The following EP300 variants were observed in gnomAD, a reference collection of about 807,000 sequenced individuals.
The protein encoded by EP300 is histone acetyltransferase p300.
EP300 carries 31 observed loss-of-function variants against 264.0 expected under a neutral mutation model. That is an observed-to-expected ratio of 0.12 (90% CI 0.09 to 0.16). EP300 has a LOEUF of 0.16. Ranked by LOEUF, EP300 falls within the 10% of genes least tolerant of loss-of-function variation. The pLI is 1.00. For synonymous variants in EP300, 1,340 were observed against 1,045.4 expected, an observed-to-expected ratio of 1.28 and a Z score of -5.44; for missense variants, 2,766 against 3,052.9, an observed-to-expected ratio of 0.91 and a Z score of 2.21.
At chr22:41,106,036 C>T (rs992580790) in intron 1 of EP300, among the ~76,000 whole-genome samples, 1 of 152,068 alleles carries the variant, frequency 6.6e-6, no homozygotes, top group African/African-American at 2.4e-5. Context: ...AATGTTTGTA[C>T]ATCTTTATTT....
intron 14 of EP300, 113 bp downstream of exon 14, chr22:41,150,311 G>C (rs1244697845): frequency 2.7e-5 from 35 of 1,274,034 alleles, no homozygotes; most frequent in Non-Finnish European, 3.8e-5. Flanking sequence ...TTCTCCACAA[G>C]TAGAATGTAA....
chr22:41,169,923 T>C (rs2059160578), intron 26 of EP300, among the ~76,000 whole-genome samples: 1 of 152,228 alleles, frequency 6.6e-6, no homozygotes, highest in Non-Finnish European at 1.5e-5. Context: ...CATTTGATCC[T>C]TTTACAACCT....
At position 41,168,488 on chromosome 22, in the gene EP300, G is replaced by A. The variant is rs767689250; in HGVS notation, c.3914G>A (p.Arg1305His). The change falls in exon 24 of 31, where the codon CGT becomes CAT. Residue 1305 changes from arginine to histidine, a missense_variant. By Grantham distance (29) the Arg-to-His change is conservative. Coordinates refer to ENST00000263253, the MANE Select transcript of EP300 (RefSeq NM_001429.4). The part of the protein sequence containing the change: ...STRLGTFLEN[R>H]VNDFLRRQNH... ...AGACTTGGCACCTTTCTAGAGAATC[G>A]TGTGAATGACTTTCTGAGGCGACAG... 8 of 1,614,064 alleles carry A rather than the reference G, an allele frequency of 5.0e-6. No homozygotes were observed. Among genetic ancestry groups the A allele is most frequent in the East Asian group, 2.2e-5 (1 of 44,898 alleles).
intron 6 of EP300, among the ~76,000 whole-genome samples, chr22:41,134,898 T>TTTTCTTTCTTTC (rs58117147): frequency 0.081 from 12,359 of 151,720 alleles, 1,516 homozygotes; most frequent in African/African-American, 0.26. Flanking sequence ...AGCATTGCTT[T>TTTTCTTTCTTTC]TTTCTTTCTT....
At position 41,177,580 on chromosome 22, in the gene EP300, C is replaced by A. The variant is rs1301322622; in HGVS notation, c.5869C>A (p.Pro1957Thr). ...TCAAAGGCCAATCCAACACCAGATG[C>A]CCCCGATGACTCCCATGGCCCCCAT... ...IFQRPIQHQM[P>T]PMTPMAPMGM... The change falls in exon 31 of 31, where the codon CCC becomes ACC. Residue 1957 changes from proline (P) to threonine (T), a missense_variant. By Grantham distance (38) the Pro-to-Thr change is conservative. Coordinates refer to ENST00000263253, the MANE Select transcript of EP300 (RefSeq NM_001429.4). 6.2e-7 allele frequency: 1 copy of A among 1,614,158 alleles called. No homozygotes were observed. Among genetic ancestry groups the A allele is most frequent in the East Asian group, 2.2e-5 (1 of 44,872 alleles).
intron 4 of EP300, among the ~76,000 whole-genome samples, chr22:41,129,039 CTCGCTCTG>C (rs1356734800): frequency 2.6e-5 from 4 of 151,652 alleles, no homozygotes; most frequent in Admixed American, 2.6e-4. Flanking sequence ...GAGATGGAGT[CTCGCTCTG>C]TCGCCCAGGC....
chr22:41,124,371 C>G (rs186603248), intron 2 of EP300, among the ~76,000 whole-genome samples: 26 of 152,302 alleles, frequency 1.7e-4, no homozygotes, highest in African/African-American at 6.3e-4. Flanking sequence ...GTCTGGACTT[C>G]CGCATGCTCT....
chr22:41,176,621 G>T (rs1395237448), intron 30 of EP300, 93 bp downstream of exon 30: 28 of 1,607,212 alleles, frequency 1.7e-5, no homozygotes, highest in Non-Finnish European at 2.3e-5. Flanking sequence ...CCTGTGGGAT[G>T]CTAGGGGCTT....
chr22:41,159,890 G>A (rs2059098274), intron 19 of EP300: 1 of 152,160 alleles, frequency 6.6e-6, no homozygotes, highest in Non-Finnish European at 1.5e-5. Context: ...GGCCAGGCTG[G>A]TCTCGATCTC....
chr22:41,173,485 G>A (rs1262345229), intron 28 of EP300, 138 bp from the exon 29 acceptor site: 4 of 934,988 alleles, frequency 4.3e-6, no homozygotes, highest in Non-Finnish European at 6.5e-6. Flanking sequence ...GAAAGAATAA[G>A]TGAAGAGAAC....
At chr22:41,148,146 G>A (rs1450795336) in intron 12 of EP300, among the ~76,000 whole-genome samples, 200 bp downstream of exon 12, 1 of 152,208 alleles carries the variant, frequency 6.6e-6, no homozygotes, top group Non-Finnish European at 1.5e-5. Context: ...GAGTGTCAGT[G>A]TTTAGTGGCC....
chr22:41,160,381 C>A, intron 19 of EP300: 2 of 412,018 alleles, frequency 4.9e-6, no homozygotes, highest in Middle Eastern at 7.1e-4. Context: ...TTTTTTTTCT[C>A]CCTCATGCTT....
At chr22:41,157,866 A>C (rs138916630) in intron 18 of EP300, among the ~76,000 whole-genome samples, 1 of 152,220 alleles carries the variant, frequency 6.6e-6, no homozygotes, top group African/African-American at 2.4e-5. Flanking sequence ...AATATCTCTT[A>C]ATATGAAATG....
chr22:41,128,776 G>A (rs2058898365), intron 4 of EP300, among the ~76,000 whole-genome samples: 1 of 152,126 alleles, frequency 6.6e-6, no homozygotes, highest in South Asian at 2.1e-4. Context: ...CTCCCAAAGT[G>A]TTAGGATTAC....
intron 9 of EP300, among the ~76,000 whole-genome samples, chr22:41,140,749 G>C (rs980952242): frequency 1.3e-5 from 2 of 152,118 alleles, no homozygotes; most frequent in African/African-American, 4.8e-5. Context: ...AGTGATTCGG[G>C]ATTGCGCTGC....
chr22:41,155,497 G>T (rs746267425), intron 17 of EP300, among the ~76,000 whole-genome samples: 2 of 152,126 alleles, frequency 1.3e-5, no homozygotes, highest in Non-Finnish European at 2.9e-5. Context: ...GCCTCCCAGA[G>T]TGCTGGAATT....
chr22:41,164,221 C>T (rs2059123100), intron 22 of EP300, 91 bp downstream of exon 22: 5 of 1,166,302 alleles, frequency 4.3e-6, no homozygotes, highest in Non-Finnish European at 6.4e-6. Context: ...TGTATTATAT[C>T]TTCAAAGTTA....
Position 41,131,642 on chromosome 22 carries a change from G to C in EP300, c.1528+9G>C. 1 of 1,614,080 alleles carries C rather than the reference G, an allele frequency of 6.2e-7. No individual in the cohort carries two copies. The highest frequency in any genetic ancestry group is 8.5e-7 in the Non-Finnish European group (1 of 1,180,044). ...GCCCATGAGCAACATGAGTAAGTTT[G>C]TGTCATCCTAATAACATGGTATTGG... On this transcript the variant is annotated intron_variant, in intron 6 of 30. Transcript: ENST00000263253.
At chr22:41,094,008 C>G (rs368379245) in intron 1 of EP300, among the ~76,000 whole-genome samples, 1 of 152,176 alleles carries the variant, frequency 6.6e-6, no homozygotes, top group African/African-American at 2.4e-5. Context: ...ACTTGGAGAT[C>G]AAGATTTTCG....
Sources: allele counts gnomAD v4.1 joint callset (sites outside exome capture counted in the v4.1 genomes callset), GRCh38; gene constraint gnomAD v4.1.1; transcripts MANE v1.5; gene names NCBI Gene and HGNC (gene_info 2026-07-23, HGNC 2026-07-21).